The following CLIC2 variants were observed in gnomAD, a reference collection of about 807,000 sequenced individuals.
CLIC2 encodes the protein chloride intracellular channel protein 2.
In CLIC2, 9 loss-of-function variants were observed where a neutral mutation model predicts 14.8. The observed-to-expected ratio is 0.61, with a 90% CI of 0.37 to 1.06. The LOEUF is 1.06. CLIC2 is among the 50% of genes least tolerant of loss of function. CLIC2 has a pLI of 0.01. For missense variants in CLIC2, 148 were observed against 181.4 expected (o/e 0.82, Z 1.06); for synonymous variants, 61 against 66.3 (o/e 0.92, Z 0.39).
chrX:155,304,654 G>T (rs372983451), intron 1 of CLIC2, among the ~76,000 whole-genome samples: 2 of 103,411 alleles, frequency 1.9e-5, no homozygotes, highest in Non-Finnish European at 4.0e-5. Flanking sequence ...GAGGAGAGGC[G>T]CTCTGCTTTT....
chrX:155,326,344 A>G (rs781804481), intron 1 of CLIC2, among the ~76,000 whole-genome samples: 2 of 111,930 alleles, frequency 1.8e-5, no homozygotes, highest in South Asian at 7.4e-4. Context: ...ATAAGCAGAC[A>G]AAATGTTCAA....
At chrX:155,305,270 T>A (rs1451107584) in intron 1 of CLIC2, among the ~76,000 whole-genome samples, 2 of 111,940 alleles carry the variant, frequency 1.8e-5, no homozygotes, top group Non-Finnish European at 3.8e-5. Flanking sequence ...AGGTGCGGGA[T>A]ATGTGGTGCG....
At chrX:155,286,192 T>G (rs2074942286) in intron 3 of CLIC2, among the ~76,000 whole-genome samples, 1 of 112,020 alleles carries the variant, frequency 8.9e-6, no homozygotes. Context: ...TCATGAGTTC[T>G]CATCATTTAG....
chrX:155,326,290 G>A (rs1326708161), intron 1 of CLIC2, among the ~76,000 whole-genome samples: 1 of 111,457 alleles, frequency 9.0e-6, no homozygotes, highest in Admixed American at 9.6e-5. Context: ...AATGAGCAAA[G>A]GACATGGACA....
intron 1 of CLIC2, among the ~76,000 whole-genome samples, chrX:155,325,761 GATATATATATATATATATATATAT>G (rs60334475): frequency 5.2e-4 from 17 of 32,847 alleles, no homozygotes; most frequent in Non-Finnish European, 6.5e-4. Context: ...AAGAAAATGT[GATATATATATATATATATATATAT>G]ATATATATAT....
intron 1 of CLIC2, among the ~76,000 whole-genome samples, chrX:155,300,452 A>G (rs1557318915): frequency 9.0e-6 from 1 of 111,189 alleles, no homozygotes; most frequent in East Asian, 2.8e-4. Flanking sequence ...AATTTGTTTG[A>G]GTTCATTGTA....
At chrX:155,297,174 C>T (rs1264823021) in intron 3 of CLIC2, among the ~76,000 whole-genome samples, 2 of 111,630 alleles carry the variant, frequency 1.8e-5, no homozygotes, top group Non-Finnish European at 3.8e-5. Flanking sequence ...ATGGATGGAA[C>T]TGGAGTTGTT....
intron 1 of CLIC2, among the ~76,000 whole-genome samples, chrX:155,334,054 A>T (rs1183198486): frequency 4.5e-5 from 5 of 111,321 alleles, no homozygotes; most frequent in Non-Finnish European, 9.4e-5. Context: ...AGATGGAGAA[A>T]AAAAAGTCTG....
chrX:155,305,349 T>C (rs781892055), intron 1 of CLIC2, among the ~76,000 whole-genome samples: 51 of 112,454 alleles, frequency 4.5e-4, no homozygotes, highest in Middle Eastern at 4.6e-3. Context: ...AGGTGCCATC[T>C]GTCACCCCTT....
At chrX:155,323,262 C>A (rs1388174416) in intron 1 of CLIC2, among the ~76,000 whole-genome samples, 1 of 111,993 alleles carries the variant, frequency 8.9e-6, no homozygotes, top group Non-Finnish European at 1.9e-5. Context: ...CCCTGATAAA[C>A]ATTGTTGTGA....
chrX:155,285,572 A>G (rs1193298442), intron 3 of CLIC2, among the ~76,000 whole-genome samples: 3 of 111,593 alleles, frequency 2.7e-5, no homozygotes, highest in African/African-American at 9.8e-5. Context: ...CCTCTGGACA[A>G]TGAGCTGTAA....
chrX:155,315,494 G>C (rs1206743119), intron 1 of CLIC2, among the ~76,000 whole-genome samples: 1 of 111,784 alleles, frequency 8.9e-6, no homozygotes, highest in Non-Finnish European at 1.9e-5. Context: ...CAAGAATTTT[G>C]TATCCAGTGA....
chrX:155,330,773 G>A (rs930077486), intron 1 of CLIC2, among the ~76,000 whole-genome samples: 4 of 110,446 alleles, frequency 3.6e-5, no homozygotes, highest in Non-Finnish European at 7.6e-5. Context: ...GAGATGATGA[G>A]GACTAAGATC....
intron 3 of CLIC2, among the ~76,000 whole-genome samples, chrX:155,284,166 C>T (rs1431730526): frequency 9.0e-6 from 1 of 110,620 alleles, no homozygotes; most frequent in Non-Finnish European, 1.9e-5. Context: ...CATGCATAGT[C>T]TTCTATAGTC....
At chrX:155,305,106 A>G (rs1167144748) in intron 1 of CLIC2, among the ~76,000 whole-genome samples, 1 of 112,227 alleles carries the variant, frequency 8.9e-6, no homozygotes, top group Non-Finnish European at 1.9e-5. Context: ...GGTGGGCTCC[A>G]CCCAGTTCGA....
chrX:155,323,239 T>G (rs1557321926), intron 1 of CLIC2, among the ~76,000 whole-genome samples: 1 of 111,483 alleles, frequency 9.0e-6, no homozygotes, highest in Non-Finnish European at 1.9e-5. Context: ...AAAAGAAAAT[T>G]TCACGCCAAT....
At chrX:155,290,417 C>T in intron 3 of CLIC2, 1 of 480,405 alleles carries the variant, frequency 2.1e-6, no homozygotes, top group Non-Finnish European at 3.7e-6. Flanking sequence ...CTTCTTTTTC[C>T]TGCATGCTGC....
At chrX:155,295,797 T>C (rs12010476) in intron 3 of CLIC2, among the ~76,000 whole-genome samples, 174 of 111,600 alleles carry the variant, frequency 1.6e-3, no homozygotes, top group African/African-American at 5.5e-3. Flanking sequence ...TATCTAGGAA[T>C]AATTTTAATC....
chrX:155,278,343 C>T (rs1050880991), intron 5 of CLIC2, among the ~76,000 whole-genome samples: 1 of 111,779 alleles, frequency 8.9e-6, no homozygotes, highest in Non-Finnish European at 1.9e-5. Context: ...ATATCCACCA[C>T]GACTAGACTA....
Sources: gnomAD v4.1 joint callset for allele counts (sites outside exome capture counted in the v4.1 genomes callset) on GRCh38, gnomAD v4.1.1 for gene constraint, MANE v1.5 for transcripts, NCBI Gene and HGNC (gene_info 2026-07-23, HGNC 2026-07-21) for gene names.